Variants in GATA4 observed in about 807,000 individuals in gnomAD.
GATA4 encodes the protein GATA binding protein 4, also known as transcription factor GATA-4.
In GATA4, 7 loss-of-function variants were observed where a neutral mutation model predicts 37.9. That is an observed-to-expected ratio of 0.18 (90% CI 0.11 to 0.35). GATA4 has a LOEUF of 0.35. Among genes scored for constraint, GATA4 ranks in the 10% least tolerant of loss-of-function variants. GATA4 has a pLI of 1.00. For missense variants in GATA4, 647 were observed against 653.0 expected (o/e 0.99, Z 0.10); for synonymous variants, 372 against 292.6 (o/e 1.27, Z -2.77).
rs907202941 is a variant in GATA4 at position 11,714,498 on chromosome 8, C to T, written c.616+5570C>T. Reference sequence around the variant, plus strand: ...TTTGTGAGACTGGAGAATGATTTGTCGATCTTCAGGAAAACCAAAGTTGTT... The same window carrying T: ...TTTGTGAGACTGGAGAATGATTTGTTGATCTTCAGGAAAACCAAAGTTGTT... On this transcript the variant is annotated intron_variant, in intron 2 of 6. Transcript: ENST00000532059. 4.6e-5 allele frequency among the ~76,000 whole-genome samples: 7 copies of T among 152,162 alleles called. No homozygotes were observed. In the East Asian group the frequency reaches 7.7e-4, roughly 17 times the overall value.
At chr8:11,757,736 C>G (rs1289351385) in intron 6 of GATA4, among the ~76,000 whole-genome samples, 1 of 152,208 alleles carries the variant, frequency 6.6e-6, no homozygotes, top group Admixed American at 6.5e-5. Flanking sequence ...TGGCGGAGGA[C>G]GATGGCGTCT....
At chr8:11,683,885 C>A (rs936988026) in intron 1 of GATA4, among the ~76,000 whole-genome samples, 4 of 152,268 alleles carry the variant, frequency 2.6e-5, no homozygotes, top group Non-Finnish European at 5.9e-5. Flanking sequence ...CCCGGGTGGG[C>A]TTCCCATTTG....
intron 1 of GATA4, among the ~76,000 whole-genome samples, chr8:11,696,118 C>G (rs1001688430): frequency 6.6e-6 from 1 of 152,056 alleles, no homozygotes; most frequent in African/African-American, 2.4e-5. Context: ...TTTTTCAAAG[C>G]CAGATTTATT....
rs962444129 is a variant in GATA4 at position 11,709,190 on chromosome 8, C to T, written c.616+262C>T. ...TGTCAGGGTCGGAGTGCGGCCTCCC[C>T]GCCATCCCAGACATCGACCGTGGCC... On this transcript the variant is annotated intron_variant, in intron 2 of 6. Coordinates refer to ENST00000532059, the MANE Select transcript of GATA4 (RefSeq NM_001308093.3). This position sits in a 1 kb window ranked among gnomAD's most constrained non-coding sequence, Gnocchi z 4.3. 2.6e-5 allele frequency among the ~76,000 whole-genome samples: 4 copies of T among 152,202 alleles called. No homozygotes were observed. The highest frequency in any genetic ancestry group is 7.2e-5 in the African/African-American group (3 of 41,460).
chr8:11,729,555 C>CAAA (rs58397100), intron 2 of GATA4, among the ~76,000 whole-genome samples: 1,733 of 139,744 alleles, frequency 0.012, 48 homozygotes, highest in Admixed American at 0.054. Context: ...GACTGTGTCT[C>CAAA]AAAAAAAAAA....
At chr8:11,677,061 C>A in exon 1 of GATA4, 1 of 152,758 alleles carries the variant, frequency 6.5e-6, no homozygotes, top group Non-Finnish European at 1.5e-5. Context: ...CTCCCCACCG[C>A]GGGTGAGTCC....
upstream of GATA4, among the ~76,000 whole-genome samples, chr8:11,691,444 G>A (rs1353114330): frequency 6.6e-6 from 1 of 152,260 alleles, no homozygotes; most frequent in Non-Finnish European, 1.5e-5. Flanking sequence ...GGGACTACAG[G>A]CACGTGCCAC....
intron 2 of GATA4, among the ~76,000 whole-genome samples, chr8:11,733,646 C>G (rs974878942): frequency 1.3e-5 from 2 of 152,152 alleles, no homozygotes; most frequent in Non-Finnish European, 2.9e-5. Context: ...AAATCCTCTT[C>G]GAAGAGAGAA....
chr8:11,737,442 C>T lies in GATA4; in HGVS notation c.617-11474C>T, dbSNP rs539989393. Among the ~76,000 whole-genome samples, 4 of 152,262 alleles carry T rather than the reference C, an allele frequency of 2.6e-5. No individual in the cohort carries two copies. The East Asian group carries it at 7.7e-4, about 29-fold the overall frequency. ...TGCCCTGGCAATTTATTCAATATTC[C>T]CTTTCCGTCCTGCCAGCTCCTAACT... On this transcript the variant is annotated intron_variant, in intron 2 of 6. Transcript: ENST00000532059.
rs778006606 is a variant in GATA4 at position 11,757,079 on chromosome 8, C to G, written c.1145C>G (p.Ser382Cys). ...CACTACGGGCACAGCAGCTCCGTGT[C>G]CCAGGTACGCGCCATGGCTGGGGCG... is the stretch of plus-strand genomic sequence containing the variant. ...SSHYGHSSSV[S>C]QTFSVSAMSG... The change falls in exon 6 of 7, where the codon TCC becomes TGC. Residue 382 changes from serine to cysteine, a missense_variant. Around this residue, in one of 5 missense-constraint regions of GATA4, gnomAD observed 184 missense variants for 157.1 expected, o/e 1.17. Coordinates refer to ENST00000532059, the MANE Select transcript of GATA4 (RefSeq NM_001308093.3). 5 of 1,613,852 alleles carry G rather than the reference C, an allele frequency of 3.1e-6. No homozygotes were observed. In the African/African-American group the frequency reaches 5.3e-5, roughly 17 times the overall value.
chr8:11,758,419 G>A lies in GATA4; in HGVS notation c.1276G>A (p.Asp426Asn), dbSNP rs56208331. The A allele has an allele frequency of 9.6e-4, 1,553 of 1,614,200 alleles. 16 individuals carry two copies. The South Asian group carries it at 0.013, about 13-fold the overall frequency. The change falls in exon 7 of 7, where the codon GAC becomes AAC. Residue 426 changes from aspartate (D) to asparagine (N), a missense_variant. This residue lies in a region of GATA4 where 184 missense variants were observed against 157.1 expected (regional missense o/e 1.17). Coordinates refer to ENST00000532059, the MANE Select transcript of GATA4 (RefSeq NM_001308093.3). ...SQSPQTSSKQ[D>N]SWNSLVLADS... ...GTCTCCACAGACCAGCTCCAAGCAG[G>A]ACTCTTGGAACAGCCTGGTCTTGGC...
At chr8:11,748,203 A>T (rs1246619370) in intron 2 of GATA4, among the ~76,000 whole-genome samples, 1 of 152,164 alleles carries the variant, frequency 6.6e-6, no homozygotes, top group Non-Finnish European at 1.5e-5. Flanking sequence ...GGGCAACAAG[A>T]GTGAAACTCC....
In GATA4 at chr8:11,708,704, C is replaced by G. The variant is rs1013984246; in HGVS notation, c.392C>G (p.Ala131Gly). 3.5e-5 allele frequency: 44 copies of G among 1,272,760 alleles called. No individual in the cohort carries two copies. The African/African-American group carries it at 6.1e-4, about 18-fold the overall frequency. 78.8% of individuals were successfully genotyped at this position (1,272,760 alleles called of 1,614,324 possible). The change falls in exon 2 of 7, where the codon GCC becomes GGC. Residue 131 changes from alanine (A) to glycine (G), a missense_variant. This residue lies in a region of GATA4 where 379 missense variants were observed against 334.5 expected (regional missense o/e 1.13). Transcript: ENST00000532059. This position sits in a 1 kb window ranked among gnomAD's most constrained non-coding sequence, Gnocchi z 6.7. ...GCTGCCGCGGCCCGGGAAGCTGCGG[C>G]CTACAGCAGTGGCGGCGGAGCGGCG... The part of the protein sequence containing the change: ...AAAAAAREAA[A>G]YSSGGGAAGA...
intron 2 of GATA4, 85 bp from the exon 3 acceptor site, chr8:11,748,831 C>T (rs1203752733): frequency 2.8e-5 from 42 of 1,475,758 alleles, no homozygotes; most frequent in African/African-American, 1.5e-4. Context: ...TGTTTCTGTG[C>T]GCTCTAGATT....
chr8:11,734,371 A>G (rs1286133998), intron 2 of GATA4, among the ~76,000 whole-genome samples: 2 of 152,270 alleles, frequency 1.3e-5, no homozygotes, highest in Admixed American at 1.3e-4. Context: ...AGGAAGCCCA[A>G]GATCACGGCA....
intron 2 of GATA4, among the ~76,000 whole-genome samples, chr8:11,741,576 A>G (rs1249498997): frequency 6.6e-6 from 1 of 152,166 alleles, no homozygotes; most frequent in Non-Finnish European, 1.5e-5. Flanking sequence ...AGAGGCTCAG[A>G]TTTGAATTCA....
intron 2 of GATA4, among the ~76,000 whole-genome samples, chr8:11,739,373 T>C (rs183943039): frequency 2.0e-5 from 3 of 152,308 alleles, no homozygotes; most frequent in African/African-American, 7.2e-5. Context: ...ACCTGAAAAA[T>C]AGATATTTTC....
At chr8:11,730,856 C>T (rs1801170936) in intron 2 of GATA4, among the ~76,000 whole-genome samples, 1 of 152,252 alleles carries the variant, frequency 6.6e-6, no homozygotes, top group South Asian at 2.1e-4. Context: ...GGACCTAGGT[C>T]AGCCTGACTT....
intron 2 of GATA4, among the ~76,000 whole-genome samples, chr8:11,741,494 A>G (rs1801737222): frequency 6.6e-6 from 1 of 151,894 alleles, no homozygotes; most frequent in Non-Finnish European, 1.5e-5. Context: ...ACAAACAAAC[A>G]AAAAAAGTCC....
Sources: gnomAD v4.1 joint callset for allele counts (sites outside exome capture counted in the v4.1 genomes callset) on GRCh38, gnomAD v4.1.1 for gene constraint, gnomAD v4.1.1 regional missense constraint, Gnocchi (gnomAD v3.1) non-coding constraint, MANE v1.5 for transcripts, NCBI Gene and HGNC (gene_info 2026-07-23, HGNC 2026-07-21) for gene names.